NMNAT3: variants seen among roughly 807,000 people sequenced by gnomAD.
NMNAT3 encodes nicotinamide/nicotinic acid mononucleotide adenylyltransferase 3.
Under a neutral mutation model 24.8 loss-of-function variants are expected in NMNAT3, and 21 were observed. The observed-to-expected ratio is 0.85, with a 90% CI of 0.60 to 1.22. The LOEUF (loss-of-function observed/expected upper bound fraction) is 1.22. Among genes scored for constraint, NMNAT3 ranks in the 50% most tolerant of loss-of-function variants. The pLI is 0.00. For synonymous variants in NMNAT3, 136 were observed against 155.2 expected (o/e 0.88, Z 0.92); for missense variants, 387 against 436.6 (o/e 0.89, Z 1.01).
chr3:139,566,445 T>C (rs1018331353), intron 6 of NMNAT3: 81 of 152,382 alleles, frequency 5.3e-4, no homozygotes, highest in African/African-American at 1.9e-3. Context: ...CCCATGCCTA[T>C]GTCCTGAATG....
intron 3 of NMNAT3, among the ~76,000 whole-genome samples, chr3:139,585,414 T>C (rs952290816): frequency 6.6e-6 from 1 of 152,232 alleles, no homozygotes; most frequent in African/African-American, 2.4e-5. Flanking sequence ...TAAATACTAC[T>C]TTTAAAATCT....
At chr3:139,626,767 A>G (rs2056068481) in intron 3 of NMNAT3, among the ~76,000 whole-genome samples, 1 of 152,146 alleles carries the variant, frequency 6.6e-6, no homozygotes, top group Non-Finnish European at 1.5e-5. Flanking sequence ...ATGAACTAAT[A>G]CTTGTGCATT....
rs559929485 is a variant in NMNAT3, at chr3:139,592,225, G to A, written c.110-9017C>T. On this transcript the variant is annotated intron_variant, in intron 3 of 6. Coordinates refer to ENST00000643695, the MANE Select transcript of NMNAT3 (RefSeq NM_001320510.2). ...AGTGGAAGAAAGGGTATCAGCGATGGAAGATGAAATGAATGAAATGAAGTG... is the reference window on the plus strand; with the variant it reads ...AGTGGAAGAAAGGGTATCAGCGATGAAAGATGAAATGAATGAAATGAAGTG... Among the ~76,000 whole-genome samples the A allele has an allele frequency of 7.9e-5, 12 of 152,292 alleles. No individual in the cohort carries two copies. In the South Asian group the frequency reaches 2.5e-3, roughly 32 times the overall value.
At position 139,673,105 on chromosome 3, in the gene NMNAT3, C is replaced by T. The variant is rs527281148; in HGVS notation, c.-141+4600G>A. Among the ~76,000 whole-genome samples the T allele has an allele frequency of 4.1e-3, 627 of 152,296 alleles. 6 individuals carry two copies. The highest frequency in any genetic ancestry group is 0.014 in the African/African-American group (596 of 41,570). On this transcript the variant is annotated intron_variant, in intron 1 of 6. Transcript: ENST00000643695. The stretch of plus-strand genomic sequence containing the variant: ...AACATGATAAAATCTATGCTGGAGA[C>T]TCAGCCTGGTGTGCCCAGGAGTATC...
rs186961792 is a variant in NMNAT3, at chr3:139,659,159, G to A, written c.-141+18546C>T. Among the ~76,000 whole-genome samples, 26 of 152,264 alleles carry A rather than the reference G, an allele frequency of 1.7e-4. 1 individual carries two copies. The East Asian group carries it at 2.5e-3, about 15-fold the overall frequency. On this transcript the variant is annotated intron_variant, in intron 1 of 6. Transcript: ENST00000643695. ...TATTTGGCTATACCACAGTTTATCT[G>A]TTCTCCTATTGATGAAGCACCTTTT...
At chr3:139,675,231 T>C (rs567125027) in intron 1 of NMNAT3, among the ~76,000 whole-genome samples, 8 of 152,146 alleles carry the variant, frequency 5.3e-5, no homozygotes, top group African/African-American at 1.9e-4. Flanking sequence ...TACTGATTCA[T>C]GCCTTTTTGG....
At chr3:139,642,380 A>C (rs1016964941) in intron 1 of NMNAT3, among the ~76,000 whole-genome samples, 18 of 152,116 alleles carry the variant, frequency 1.2e-4, no homozygotes, top group Non-Finnish European at 4.4e-5. Flanking sequence ...TGCAAAGATA[A>C]GTATCTTCTG....
chr3:139,666,735 C>A (rs1318558039), intron 1 of NMNAT3, among the ~76,000 whole-genome samples: 1 of 152,138 alleles, frequency 6.6e-6, no homozygotes, highest in Non-Finnish European at 1.5e-5. Flanking sequence ...ACTGTACCAG[C>A]CTCACCCCTC....
At chr3:139,622,159 A>C (rs1297286532) in intron 3 of NMNAT3, among the ~76,000 whole-genome samples, 1 of 152,090 alleles carries the variant, frequency 6.6e-6, no homozygotes, top group Non-Finnish European at 1.5e-5. Context: ...ATATCTCCAT[A>C]CTGTTTTTCA....
intron 4 of NMNAT3, among the ~76,000 whole-genome samples, chr3:139,582,619 G>C (rs1475663892): frequency 1.8e-5 from 2 of 109,542 alleles, no homozygotes; most frequent in African/African-American, 7.0e-5. Flanking sequence ...TCCAGCCTGG[G>C]CAACAGAGTG....
intron 5 of NMNAT3, among the ~76,000 whole-genome samples, chr3:139,574,749 C>T (rs1939039645): frequency 6.6e-6 from 1 of 151,788 alleles, no homozygotes; most frequent in Non-Finnish European, 1.5e-5. Context: ...GTAAATTGGT[C>T]ATGAAAGTTA....
chr3:139,629,538 G>A (rs953199382), intron 2 of NMNAT3, among the ~76,000 whole-genome samples: 1 of 152,200 alleles, frequency 6.6e-6, no homozygotes, highest in Non-Finnish European at 1.5e-5. Flanking sequence ...AAACCAATGG[G>A]AGGAATGCAT....
intron 3 of NMNAT3, among the ~76,000 whole-genome samples, chr3:139,616,907 T>G (rs1178489725): frequency 6.6e-6 from 1 of 152,224 alleles, no homozygotes; most frequent in Non-Finnish European, 1.5e-5. Flanking sequence ...GTCTCTTGCT[T>G]TACCTACTGC....
At chr3:139,596,220 T>C (rs187143442) in intron 3 of NMNAT3, among the ~76,000 whole-genome samples, 49 of 152,254 alleles carry the variant, frequency 3.2e-4, no homozygotes, top group African/African-American at 1.1e-3. Context: ...TTCTGTTTAA[T>C]TACTTTGCTC....
Position 139,578,900 on chromosome 3 carries a change from G to T in NMNAT3, c.547C>A (p.Gln183Lys). 1 of 1,614,106 alleles carries T rather than the reference G, an allele frequency of 6.2e-7. No homozygotes were observed. ...AGCACCTTCACTGTCTCCATCCACT[G>T]TGCCTGCTCACTCTCCCAAGGGTCC... Residue 183 changes from glutamine (Q) to lysine (K), a missense_variant, in exon 5 of 7, where the codon CAG (glutamine) becomes AAG (lysine). Physicochemically the swap from Gln to Lys is moderately conservative, Grantham distance 53. This residue lies in a region of NMNAT3 where 323 missense variants were observed against 345.2 expected (regional missense o/e 0.94). Transcript: ENST00000643695.
intron 1 of NMNAT3, among the ~76,000 whole-genome samples, chr3:139,653,126 G>A (rs1036779032): frequency 2.0e-5 from 3 of 152,152 alleles, no homozygotes; most frequent in African/African-American, 7.2e-5. Context: ...CTTCATAAAT[G>A]TCACTGTATT....
At chr3:139,603,830 C>T (rs2054821929) in intron 3 of NMNAT3, among the ~76,000 whole-genome samples, 5 of 152,346 alleles carry the variant, frequency 3.3e-5, no homozygotes, top group Admixed American at 2.0e-4. Context: ...AAAGCAGCCA[C>T]CACCACTGCA....
chr3:139,629,839 G>A (rs922517403), intron 2 of NMNAT3, among the ~76,000 whole-genome samples: 3 of 152,018 alleles, frequency 2.0e-5, no homozygotes, highest in Admixed American at 1.3e-4. Flanking sequence ...AAAACCCCCC[G>A]GCACATCCCA....
At chr3:139,586,497 T>C (rs527278519) in intron 3 of NMNAT3, among the ~76,000 whole-genome samples, 2 of 151,938 alleles carry the variant, frequency 1.3e-5, no homozygotes, top group Non-Finnish European at 2.9e-5. Flanking sequence ...TTTCCTTCCA[T>C]GGTAATCCTG....
Sources: gnomAD v4.1 joint callset for allele counts (sites outside exome capture counted in the v4.1 genomes callset) on GRCh38, gnomAD v4.1.1 for gene constraint, gnomAD v4.1.1 regional missense constraint, MANE v1.5 for transcripts, NCBI Gene and HGNC (gene_info 2026-07-23, HGNC 2026-07-21) for gene names.